The following CACNA1H variants were observed in gnomAD, a reference collection of about 807,000 sequenced individuals.
CACNA1H encodes the protein calcium voltage-gated channel subunit alpha1 H.
CACNA1H carries 149 observed loss-of-function variants against 192.5 expected under a neutral mutation model. The ratio of observed to expected loss-of-function variants is 0.77; its 90% CI spans 0.68 to 0.89. CACNA1H has a LOEUF of 0.89. Among genes scored for constraint, CACNA1H ranks in the 40% least tolerant of loss-of-function variants. CACNA1H has a pLI of 0.00. For synonymous variants in CACNA1H, 2,202 were observed against 1,475.2 expected (o/e 1.49, Z -11.29); for missense variants, 4,257 against 3,423.5 (o/e 1.24, Z -6.08).
chr16:1,209,248 C>G lies in CACNA1H; in HGVS notation c.3580C>G (p.Arg1194Gly). 6.5e-7 allele frequency: 1 copy of G among 1,544,064 alleles called. No homozygotes were observed. The highest frequency in any genetic ancestry group is 8.7e-7 in the Non-Finnish European group (1 of 1,147,382). The change falls in exon 17 of 35, where the codon CGG (arginine) becomes GGG (glycine). Residue 1194 changes from arginine to glycine, a missense_variant. Transcript: ENST00000348261. ...GCCCGGGCCCCGTGCCACCCCACTG[C>G]GGCGGGCCGAGTCCCTGGACCCACG... ...AAPGPRATPL[R>G]RAESLDPRPL... is the part of the protein sequence containing the mutation.
intron 17 of CACNA1H, 28 bp downstream of exon 17, chr16:1,209,440 C>A (rs751161205): frequency 1.9e-5 from 30 of 1,589,916 alleles, no homozygotes; most frequent in Non-Finnish European, 2.5e-5. Flanking sequence ...GGCCCACCGC[C>A]GACTCGCCTT....
At position 1,196,040 on chromosome 16, in the gene CACNA1H, G is replaced by A. The variant is rs371064473; in HGVS notation, c.643+17G>A. The A allele has an allele frequency of 1.6e-5, 26 of 1,600,294 alleles. 1 individual carries two copies. The highest frequency in any genetic ancestry group is 3.3e-4 in the Middle Eastern group (2 of 6,070). On this transcript the variant is annotated intron_variant, in intron 5 of 34. Transcript: ENST00000348261. ...GCGTGCCTAGTAAGTGACCGGCCCC[G>A]ACTGGGCTTGAGATCAACAGGCTTG...
intron 22 of CACNA1H, 72 bp from the exon 23 acceptor site, chr16:1,211,409 C>T (rs570035260): frequency 3.7e-6 from 6 of 1,606,816 alleles, no homozygotes; most frequent in East Asian, 2.2e-5. Context: ...GGGCCTCACT[C>T]GCGCCCCAGG....
chr16:1,217,202 C>A (rs1236706781), intron 31 of CACNA1H, among the ~76,000 whole-genome samples, 192 bp downstream of exon 31: 1 of 152,250 alleles, frequency 6.6e-6, no homozygotes, highest in African/African-American at 2.4e-5. Flanking sequence ...CGTGTTGACG[C>A]AGAGGCATGT....
rs765647810 is a variant in CACNA1H at position 1,210,068 on chromosome 16, C to T, written c.3778C>T (p.Pro1260Ser). ...CCLRLHKVLE[P>S]YKPQWCRSRE... ...CCTCCGCCTGCATAAAGTGCTGGAG[C>T]CCTACAAGCCCCAGTGGTGCCGGAG... The change falls in exon 18 of 35, where the codon CCC becomes TCC. Residue 1260 changes from proline (P) to serine (S), a missense_variant. Pro to Ser is a moderately conservative substitution (Grantham distance 74). Transcript: ENST00000348261. 4 of 1,556,090 alleles carry T rather than the reference C, an allele frequency of 2.6e-6. No homozygotes were observed. In the South Asian group the frequency reaches 4.7e-5, roughly 18 times the overall value.
At chr16:1,211,374 G>A (rs527552115) in intron 22 of CACNA1H, 80 bp downstream of exon 22, 55 of 1,606,410 alleles carry the variant, frequency 3.4e-5, no homozygotes, top group Non-Finnish European at 4.3e-5. Flanking sequence ...CAGCAGCGCC[G>A]CTGCGGGACG....
intron 2 of CACNA1H, among the ~76,000 whole-genome samples, chr16:1,164,304 G>A (rs1277861157): frequency 6.6e-6 from 1 of 152,194 alleles, no homozygotes; most frequent in Admixed American, 6.5e-5. Flanking sequence ...CGAAGCCTCA[G>A]ATCTGATGAA....
At chr16:1,178,728 C>T (rs912058977) in intron 2 of CACNA1H, among the ~76,000 whole-genome samples, 8 of 152,196 alleles carry the variant, frequency 5.3e-5, no homozygotes, top group African/African-American at 9.6e-5. Flanking sequence ...GGCTCACCCC[C>T]GGCCAGGAGC....
chr16:1,166,843 C>T (rs570138121), intron 2 of CACNA1H, among the ~76,000 whole-genome samples: 4 of 152,200 alleles, frequency 2.6e-5, no homozygotes, highest in Admixed American at 6.5e-5. Flanking sequence ...ATGTCTGGGC[C>T]GTTTCACCCT....
chr16:1,195,425 C>T lies in CACNA1H; in HGVS notation c.412-7C>T, dbSNP rs1362559090. On this transcript the variant is annotated splice_region_variant and splice_polypyrimidine_tract_variant and intron_variant, in intron 3 of 34. Transcript: ENST00000348261. Reference sequence around the variant, plus strand: ...TCCACGGGCCCTCCTGATGCCTCCTCCCGCAGGCCTTTGACGCCTTCATTT... The same window carrying T: ...TCCACGGGCCCTCCTGATGCCTCCTTCCGCAGGCCTTTGACGCCTTCATTT... 7.7e-6 allele frequency: 12 copies of T among 1,551,464 alleles called. No individual in the cohort carries two copies. Among genetic ancestry groups the T allele is most frequent in the East Asian group, 4.9e-5 (2 of 40,906 alleles).
At chr16:1,183,149 G>T (rs1490758157) in intron 2 of CACNA1H, among the ~76,000 whole-genome samples, 2 of 151,818 alleles carry the variant, frequency 1.3e-5, no homozygotes, top group African/African-American at 4.8e-5. Flanking sequence ...TCTGTGTCAG[G>T]CATGGAGCCC....
chr16:1,209,606 C>A (rs1003603451), intron 17 of CACNA1H, 194 bp downstream of exon 17: 4 of 687,760 alleles, frequency 5.8e-6, no homozygotes, highest in African/African-American at 5.5e-5. Flanking sequence ...CAGAGTCCCC[C>A]CTCTGCCGTC....
intron 31 of CACNA1H, among the ~76,000 whole-genome samples, chr16:1,217,641 G>C (rs572256536): frequency 1.3e-5 from 2 of 152,166 alleles, no homozygotes; most frequent in Non-Finnish European, 2.9e-5. Context: ...CCCGCCACGC[G>C]CAGTCACAGA....
rs559484181 is a variant in CACNA1H at position 1,155,284 on chromosome 16, C to G, written c.299+1248C>G. Among the ~76,000 whole-genome samples, 4 of 152,324 alleles carry G rather than the reference C, an allele frequency of 2.6e-5. No homozygotes were observed. The South Asian group carries it at 8.3e-4, about 32-fold the overall frequency. ...TGCCTCGGAGCCCCACACCCGCTGC[C>G]CGGGCGGCCTAGGCCTCTGTAGCCT... On this transcript the variant is annotated intron_variant, in intron 2 of 34. Transcript: ENST00000348261.
At chr16:1,194,187 C>G (rs1488802313) in intron 2 of CACNA1H, among the ~76,000 whole-genome samples, 1 of 152,044 alleles carries the variant, frequency 6.6e-6, no homozygotes, top group Non-Finnish European at 1.5e-5. Flanking sequence ...CCGGGCTGCC[C>G]CTGAATCAGC....
intron 19 of CACNA1H, 25 bp from the exon 20 acceptor site, chr16:1,210,558 G>GC (rs1969316346): frequency 6.2e-6 from 10 of 1,609,620 alleles, no homozygotes; most frequent in Non-Finnish European, 7.6e-6. Flanking sequence ...AGTGGACACA[G>GC]CCCCCCACCG....
intron 1 of CACNA1H, 79 bp from the exon 2 acceptor site, chr16:1,153,641 C>G (rs1156730441): frequency 2.2e-6 from 2 of 916,534 alleles, no homozygotes; most frequent in African/African-American, 1.8e-5. Context: ...GCGGCCGCGG[C>G]TGTTCCCGCA....
Position 1,219,104 on chromosome 16 carries a change from A to C in CACNA1H, c.6022A>C (p.Ser2008Arg). ...LSPRGTARSPSLSRLLCRQEA... is the reference protein window; with the variant it reads ...LSPRGTARSPRLSRLLCRQEA... ...CCCTCGGGGCACAGCCCGCTCCCCC[A>C]GTCTCAGCCGGCTGCTCTGCAGACA... The change falls in exon 34 of 35, where the codon AGT becomes CGT. Residue 2008 changes from serine (S) to arginine (R), a missense_variant. Transcript: ENST00000348261. The C allele has an allele frequency of 6.5e-7, 1 of 1,545,496 alleles. No homozygotes were observed. Among genetic ancestry groups the C allele is most frequent in the Non-Finnish European group, 8.7e-7 (1 of 1,144,166 alleles).
chr16:1,186,324 G>T (rs564860299), intron 2 of CACNA1H, among the ~76,000 whole-genome samples: 103 of 152,130 alleles, frequency 6.8e-4, no homozygotes, highest in African/African-American at 2.4e-3. Context: ...GGCCCAGGGA[G>T]CCCTGAAGGC....
Sources: gnomAD v4.1 joint callset for allele counts (sites outside exome capture counted in the v4.1 genomes callset) on GRCh38, gnomAD v4.1.1 for gene constraint, MANE v1.5 for transcripts, NCBI Gene and HGNC (gene_info 2026-07-23, HGNC 2026-07-21) for gene names.